Variants in CACNA2D1 observed in about 807,000 individuals in gnomAD.
CACNA2D1 encodes the protein voltage-dependent calcium channel subunit alpha-2/delta-1.
In CACNA2D1, 53 loss-of-function variants were observed where a neutral mutation model predicts 171.5. That is an observed-to-expected ratio of 0.31 (90% CI 0.25 to 0.39). The LOEUF (loss-of-function observed/expected upper bound fraction) is 0.39, where lower values mean the gene tolerates loss of function less well. CACNA2D1 is among the 10% of genes least tolerant of loss of function. The pLI, the probability that CACNA2D1 is intolerant of heterozygous loss-of-function variation, is 1.00. For missense variants in CACNA2D1, 903 were observed against 1,299.8 expected (o/e 0.69, Z 4.69); for synonymous variants, 442 against 443.1 (o/e 1.00, Z 0.03).
chr7:81,961,236 C>T (rs1228245489), intron 36 of CACNA2D1, among the ~76,000 whole-genome samples: 1 of 151,944 alleles, frequency 6.6e-6, no homozygotes, highest in Admixed American at 6.6e-5. Flanking sequence ...TTACTTTCCC[C>T]TCAAAATCCC....
intron 3 of CACNA2D1, among the ~76,000 whole-genome samples, chr7:82,286,750 G>C (rs889001552): frequency 3.9e-5 from 6 of 152,086 alleles, no homozygotes. Context: ...AAAGCAAAAA[G>C]AAAAATGTTT....
At chr7:82,290,555 C>A (rs1234144537) in intron 3 of CACNA2D1, among the ~76,000 whole-genome samples, 3 of 145,066 alleles carry the variant, frequency 2.1e-5, no homozygotes, top group African/African-American at 2.6e-5. Flanking sequence ...ATTTAAAAGT[C>A]AATGAGTACT....
Position 81,964,342 on chromosome 7 carries a change from T to C in CACNA2D1, c.2592A>G (p.Gly864=). The C allele has an allele frequency of 6.2e-7, 1 of 1,611,718 alleles. No individual in the cohort carries two copies. Among genetic ancestry groups the C allele is most frequent in the Non-Finnish European group, 8.5e-7 (1 of 1,178,732 alleles). ...DYTNQIGRFF[G]EIDPSLMRHL... is the part of the protein sequence containing the mutation. ...GTCTCATCAAGCTGGGATCAATCTCTCCAAAAAATCTTCCAATCTGGTGAA... is the reference window on the plus strand; with the variant it reads ...GTCTCATCAAGCTGGGATCAATCTCCCCAAAAAATCTTCCAATCTGGTGAA... The change falls in exon 33 of 39, where the codon GGA becomes GGG. Residue 864 remains glycine (G), a synonymous_variant. Transcript: ENST00000356860.
At chr7:82,124,006 A>C (rs1416503206) in intron 5 of CACNA2D1, among the ~76,000 whole-genome samples, 1 of 152,128 alleles carries the variant, frequency 6.6e-6, no homozygotes, top group Non-Finnish European at 1.5e-5. Context: ...CACATCAAAA[A>C]TATTTAAACC....
At chr7:81,974,585 T>TC in intron 24 of CACNA2D1, 33 bp from the exon 25 acceptor site, 1 of 1,155,614 alleles carries the variant, frequency 8.7e-7, no homozygotes, top group Non-Finnish European at 1.3e-6. Context: ...TATTAGATAT[T>TC]AAAATCAAAA....
intron 29 of CACNA2D1, among the ~76,000 whole-genome samples, chr7:81,968,271 A>C (rs1584223282): frequency 6.6e-6 from 1 of 151,416 alleles, no homozygotes; most frequent in Non-Finnish European, 1.5e-5. Flanking sequence ...CATACAATCA[A>C]AAAAACTAAT....
At chr7:81,956,368 T>G (rs1362542274) in intron 38 of CACNA2D1, among the ~76,000 whole-genome samples, 2 of 152,110 alleles carry the variant, frequency 1.3e-5, no homozygotes, top group South Asian at 2.1e-4. Flanking sequence ...AACCTATAAA[T>G]CTTATCTAAA....
chr7:82,000,649 A>C (rs1210108184), intron 18 of CACNA2D1, among the ~76,000 whole-genome samples: 1 of 151,346 alleles, frequency 6.6e-6, no homozygotes, highest in Non-Finnish European at 1.5e-5. Flanking sequence ...CCCAGCCTGG[A>C]GGCAGTGGCA....
intron 38 of CACNA2D1, among the ~76,000 whole-genome samples, chr7:81,957,293 T>C (rs1461937168): frequency 6.6e-6 from 1 of 152,090 alleles, no homozygotes; most frequent in African/African-American, 2.4e-5. Flanking sequence ...GGATTAGAAA[T>C]GTACATGCCA....
intron 4 of CACNA2D1, among the ~76,000 whole-genome samples, chr7:82,166,428 A>T (rs1795460819): frequency 6.6e-6 from 1 of 152,046 alleles, no homozygotes; most frequent in Non-Finnish European, 1.5e-5. Context: ...ATACATAAAG[A>T]TCCTACTTAT....
At chr7:82,402,058 G>C (rs1194615412) in intron 1 of CACNA2D1, among the ~76,000 whole-genome samples, 1 of 152,164 alleles carries the variant, frequency 6.6e-6, no homozygotes, top group Non-Finnish European at 1.5e-5. Context: ...TGTGATAAAT[G>C]CTACTAACTG....
intron 3 of CACNA2D1, among the ~76,000 whole-genome samples, chr7:82,330,479 C>T (rs192978320): frequency 1.3e-5 from 2 of 152,058 alleles, no homozygotes; most frequent in African/African-American, 2.4e-5. Context: ...CTTTAGTAGG[C>T]TTATAAGAAA....
chr7:81,950,546 A>G (rs1792397624), intron 38 of CACNA2D1, 38 bp from the exon 39 acceptor site: 1 of 1,570,312 alleles, frequency 6.4e-7, no homozygotes, highest in African/African-American at 1.4e-5. Flanking sequence ...AGAAAAAGAA[A>G]AATCTAAAAA....
Position 82,060,190 on chromosome 7 carries a change from T to TACATATATATAA in CACNA2D1, c.879+237_879+238insTTATATATATGT, listed in dbSNP as rs1491114373. Among the ~76,000 whole-genome samples, 2 of 13,128 alleles carry TACATATATATAA rather than the reference T, an allele frequency of 1.5e-4. 1 individual carries two copies. Among genetic ancestry groups the TACATATATATAA allele is most frequent in the Non-Finnish European group, 4.1e-4 (2 of 4,864 alleles). The allele number at this position is 13,128 out of a possible 152,430, so 8.6% of individuals were successfully genotyped here. On this transcript the variant is annotated intron_variant, in intron 10 of 38. Transcript: ENST00000356860. ...AATATATATATATAATATATATATATTATATATATATTATATATATAATAT... is the reference window on the plus strand; with the variant it reads ...AATATATATATATAATATATATATATACATATATATAATATATATATATTATATATATAATAT...
At chr7:82,348,435 C>A (rs1443322162) in intron 2 of CACNA2D1, among the ~76,000 whole-genome samples, 1 of 151,970 alleles carries the variant, frequency 6.6e-6, no homozygotes, top group African/African-American at 2.4e-5. Flanking sequence ...CTTTGTTTAT[C>A]CTTGGCAGCC....
chr7:82,136,003 A>G (rs991187054), intron 5 of CACNA2D1, among the ~76,000 whole-genome samples: 8 of 152,330 alleles, frequency 5.3e-5, no homozygotes, highest in East Asian at 1.9e-4. Flanking sequence ...TCGCAACTCT[A>G]TTCACCAACA....
rs554539274 is a variant in CACNA2D1 at position 82,288,748 on chromosome 7, T to G, written c.294+46387A>C. Among the ~76,000 whole-genome samples, 22 of 152,324 alleles carry G rather than the reference T, an allele frequency of 1.4e-4. No individual in the cohort carries two copies. The East Asian group carries it at 4.0e-3, about 28-fold the overall frequency. On this transcript the variant is annotated intron_variant, in intron 3 of 38. Transcript: ENST00000356860. ...AGCTGCCTATGGTTTTATGCTCCTATGAGCATGCTGGATATCAGAGTCAAT... is the reference window on the plus strand; with the variant it reads ...AGCTGCCTATGGTTTTATGCTCCTAGGAGCATGCTGGATATCAGAGTCAAT...
intron 3 of CACNA2D1, among the ~76,000 whole-genome samples, chr7:82,317,007 T>C (rs574607386): frequency 9.0e-4 from 137 of 152,192 alleles, no homozygotes; most frequent in African/African-American, 3.0e-3. Flanking sequence ...CTCTTAACAC[T>C]AGAAAGTAAA....
At chr7:82,209,253 A>C (rs905523379) in intron 3 of CACNA2D1, among the ~76,000 whole-genome samples, 3 of 152,150 alleles carry the variant, frequency 2.0e-5, no homozygotes, top group Non-Finnish European at 4.4e-5. Flanking sequence ...CAAACTCTTC[A>C]CTTCTACTTA....
Sources: gnomAD v4.1 joint callset for allele counts (sites outside exome capture counted in the v4.1 genomes callset) on GRCh38, gnomAD v4.1.1 for gene constraint, MANE v1.5 for transcripts, NCBI Gene and HGNC (gene_info 2026-07-23, HGNC 2026-07-21) for gene names.